The following GRB10 variants were observed in gnomAD, a reference collection of about 807,000 sequenced individuals.
The protein encoded by GRB10 is growth factor receptor bound protein 10, also known as growth factor receptor-bound protein 10.
A neutral mutation model predicts 80.9 loss-of-function variants in GRB10; 20 were observed. The observed-to-expected ratio is 0.25, with a 90% CI of 0.17 to 0.36. The LOEUF (loss-of-function observed/expected upper bound fraction) is 0.36. GRB10 is among the 10% of genes least tolerant of loss of function. The probability of loss-of-function intolerance (pLI) is 1.00; values close to 1 mark genes in which losing one functional copy is unlikely to be tolerated. For synonymous variants in GRB10, 291 were observed against 291.5 expected (o/e 1.00, Z 0.02); for missense variants, 548 against 747.7 (o/e 0.73, Z 3.12).
At chr7:50,619,709 A>C (rs2051308620) in intron 8 of GRB10, among the ~76,000 whole-genome samples, 1 of 152,180 alleles carries the variant, frequency 6.6e-6, no homozygotes, top group Admixed American at 6.5e-5. Flanking sequence ...AGATGGAAGG[A>C]GATAGAAGCT....
At chr7:50,628,755 A>C (rs2053472071) in intron 7 of GRB10, among the ~76,000 whole-genome samples, 1 of 152,330 alleles carries the variant, frequency 6.6e-6, no homozygotes, top group East Asian at 1.9e-4. Context: ...CTGGGGCTGG[A>C]TCAGGACCCA....
intron 7 of GRB10, among the ~76,000 whole-genome samples, chr7:50,634,196 C>G (rs118100206): frequency 0.019 from 2,899 of 152,264 alleles, 42 homozygotes; most frequent in Non-Finnish European, 0.029. Context: ...GACTTCTCAG[C>G]AGAAACCTTA....
chr7:50,773,379 T>TGGAAAGGGAAG (rs1462471537), intron 2 of GRB10, among the ~76,000 whole-genome samples: 44 of 56,346 alleles, frequency 7.8e-4, no homozygotes, highest in Admixed American at 1.3e-3. Context: ...GGAAGCGGAA[T>TGGAAAGGGAAG]GGGAAGGGAA....
chr7:50,619,207 T>C lies in GRB10; in HGVS notation c.740A>G (p.Lys247Arg), dbSNP rs1215552746. ...AAAGAACTCGTATTTTGCGTAATTC[T>C]TCCTGAATAGAAATTTACTCTCACT... The part of the protein sequence containing the change: ...MASESKFLFR[K>R]NYAKYEFFKN... Residue 247 changes from lysine to arginine, a missense_variant, in exon 9 of 19, where the codon AAG (lysine) becomes AGG (arginine). Physicochemically the swap from Lys to Arg is conservative, Grantham distance 26. This residue lies in a region of GRB10 where 270 missense variants were observed against 433.6 expected (regional missense o/e 0.62). Coordinates refer to ENST00000401949, the MANE Select transcript of GRB10 (RefSeq NM_001350814.2). 6.2e-7 allele frequency: 1 copy of C among 1,613,268 alleles called. No homozygotes were observed. Among genetic ancestry groups the C allele is most frequent in the South Asian group, 1.1e-5 (1 of 91,068 alleles).
At chr7:50,741,180 T>C (rs2071670364) in intron 3 of GRB10, among the ~76,000 whole-genome samples, 1 of 152,098 alleles carries the variant, frequency 6.6e-6, no homozygotes, top group Admixed American at 6.5e-5. Flanking sequence ...CGAGGAAAAC[T>C]AGTTGTTGCA....
At chr7:50,680,748 T>C (rs1185386655) in intron 5 of GRB10, among the ~76,000 whole-genome samples, 1 of 152,238 alleles carries the variant, frequency 6.6e-6, no homozygotes, top group Non-Finnish European at 1.5e-5. Context: ...CTACACTCAC[T>C]TGTTCCTGAT....
At chr7:50,672,882 G>A (rs542762691) in intron 6 of GRB10, among the ~76,000 whole-genome samples, 61 of 152,312 alleles carry the variant, frequency 4.0e-4, no homozygotes, top group African/African-American at 1.0e-3. Flanking sequence ...AAGGGGTCAC[G>A]CTTCAAAGAG....
intron 4 of GRB10, among the ~76,000 whole-genome samples, chr7:50,705,536 CAAAA>C (rs2064920543): frequency 6.6e-6 from 1 of 152,014 alleles, no homozygotes; most frequent in Non-Finnish European, 1.5e-5. Flanking sequence ...ATAACAAAAA[CAAAA>C]ACTACCATGT....
At chr7:50,612,705 A>T in intron 13 of GRB10, 36 bp downstream of exon 13, 1 of 1,403,798 alleles carries the variant, frequency 7.1e-7, no homozygotes, top group Non-Finnish European at 1.0e-6. Flanking sequence ...CCACGAAGAG[A>T]TGTGCACTCA....
chr7:50,628,297 C>T (rs1274780304), intron 7 of GRB10, among the ~76,000 whole-genome samples: 1 of 152,180 alleles, frequency 6.6e-6, no homozygotes, highest in East Asian at 1.9e-4. Flanking sequence ...GTTAGTTTGT[C>T]CTGACAAACT....
intron 7 of GRB10, among the ~76,000 whole-genome samples, chr7:50,646,511 C>A (rs1278399821): frequency 6.6e-6 from 1 of 152,186 alleles, no homozygotes; most frequent in Admixed American, 6.5e-5. Context: ...TTGTTTTTTA[C>A]TATGAATGTT....
At chr7:50,608,002 C>T (rs914875455) in intron 13 of GRB10, among the ~76,000 whole-genome samples, 1 of 152,160 alleles carries the variant, frequency 6.6e-6, no homozygotes, top group Non-Finnish European at 1.5e-5. Flanking sequence ...ATACCTAGAA[C>T]ATGATGCAAA....
chr7:50,679,660 A>G (rs536991729), intron 5 of GRB10, among the ~76,000 whole-genome samples: 9 of 152,298 alleles, frequency 5.9e-5, no homozygotes, highest in African/African-American at 2.2e-4. Context: ...TTCATATGGA[A>G]GATATACCCT....
rs2045752680 is a variant in GRB10, at chr7:50,590,752, T to G, written c.*2200A>C. 2.6e-5 allele frequency: 4 copies of G among 152,604 alleles called. No individual in the cohort carries two copies. The highest frequency in any genetic ancestry group is 9.6e-5 in the African/African-American group (4 of 41,460). 9.5% of individuals were successfully genotyped at this position (152,604 alleles called of 1,614,324 possible). On this transcript the variant is annotated 3_prime_UTR_variant, in exon 19 of 19. Transcript: ENST00000401949. ...GCCAGCGAGCTGGGGCCTTAGGAAG[T>G]CTGCCGCCACGTGGAGGCGGTTTAC...
intron 5 of GRB10, among the ~76,000 whole-genome samples, chr7:50,696,683 C>CA (rs1383901864): frequency 1.3e-5 from 2 of 152,150 alleles, no homozygotes; most frequent in African/African-American, 4.8e-5. Flanking sequence ...GCAGTAACAA[C>CA]AATCAGACAA....
chr7:50,694,160 C>A (rs1042377224), intron 5 of GRB10, among the ~76,000 whole-genome samples: 3 of 152,112 alleles, frequency 2.0e-5, no homozygotes, highest in African/African-American at 7.2e-5. Context: ...CCCGTTTCTA[C>A]CCAAAATACA....
intron 7 of GRB10, among the ~76,000 whole-genome samples, chr7:50,638,336 G>T (rs1471577754): frequency 6.6e-6 from 1 of 152,004 alleles, no homozygotes; most frequent in East Asian, 1.9e-4. Flanking sequence ...GAAAATATTT[G>T]CAAATTATGA....
At chr7:50,699,210 G>A (rs2063828545) in intron 5 of GRB10, among the ~76,000 whole-genome samples, 1 of 150,396 alleles carries the variant, frequency 6.6e-6, no homozygotes, top group African/African-American at 2.5e-5. Context: ...ATAATTATTT[G>A]CAAAAAGACA....
At chr7:50,669,554 G>A (rs2060147535) in intron 7 of GRB10, among the ~76,000 whole-genome samples, 168 bp downstream of exon 7, 2 of 152,250 alleles carry the variant, frequency 1.3e-5, no homozygotes, top group Non-Finnish European at 2.9e-5. Flanking sequence ...CATCCAAACT[G>A]TATCGGCCTC....
Sources: gnomAD v4.1 joint callset for allele counts (sites outside exome capture counted in the v4.1 genomes callset) on GRCh38, gnomAD v4.1.1 for gene constraint, gnomAD v4.1.1 regional missense constraint, MANE v1.5 for transcripts, NCBI Gene and HGNC (gene_info 2026-07-23, HGNC 2026-07-21) for gene names.